Variants in PTPRK observed in about 807,000 individuals in gnomAD.
PTPRK encodes the protein receptor-type tyrosine-protein phosphatase kappa.
A neutral mutation model predicts 178.0 loss-of-function variants in PTPRK; 75 were observed. The observed-to-expected ratio is 0.42, with a 90% CI of 0.35 to 0.51. The LOEUF is 0.51. Among genes scored for constraint, PTPRK ranks in the 20% least tolerant of loss-of-function variants. The pLI is 0.02. For missense variants in PTPRK, 1,441 were observed against 1,797.8 expected, an observed-to-expected ratio of 0.80 and a Z score of 3.59; for synonymous variants, 637 against 620.6, an observed-to-expected ratio of 1.03 and a Z score of -0.39.
At chr6:128,270,340 A>G (rs1466928968) in intron 3 of PTPRK, among the ~76,000 whole-genome samples, 1 of 152,160 alleles carries the variant, frequency 6.6e-6, no homozygotes, top group Non-Finnish European at 1.5e-5. Flanking sequence ...GGATCAACAT[A>G]TTTTCTGGGA....
intron 1 of PTPRK, among the ~76,000 whole-genome samples, chr6:128,517,031 T>C (rs1022585465): frequency 9.2e-5 from 14 of 151,356 alleles, no homozygotes; most frequent in Non-Finnish European, 1.6e-4. Flanking sequence ...ACAATAACTA[T>C]GTTAAACAAT....
chr6:128,459,810 G>A (rs1008896849), intron 1 of PTPRK, among the ~76,000 whole-genome samples: 4 of 152,124 alleles, frequency 2.6e-5, no homozygotes, highest in Middle Eastern at 3.2e-3. Context: ...CCTGAAACTG[G>A]GTAATTTATA....
intron 6 of PTPRK, among the ~76,000 whole-genome samples, chr6:128,195,036 A>C (rs930133162): frequency 6.6e-6 from 1 of 150,730 alleles, no homozygotes; most frequent in Non-Finnish European, 1.5e-5. Context: ...ATGCAGACAC[A>C]TACACATATG....
At chr6:127,988,486 GAACTTT>G (rs1776230350) in intron 21 of PTPRK, among the ~76,000 whole-genome samples, 1 of 151,482 alleles carries the variant, frequency 6.6e-6, no homozygotes, top group South Asian at 2.1e-4. Flanking sequence ...AAGTATAAAG[GAACTTT>G]AACTTTAAAA....
At chr6:128,279,435 GACTCATTCCCCA>G (rs1821331046) in intron 3 of PTPRK, among the ~76,000 whole-genome samples, 1 of 152,046 alleles carries the variant, frequency 6.6e-6, no homozygotes, top group African/African-American at 2.4e-5. Flanking sequence ...AAAATAACTG[GACTCATTCCCCA>G]ATGAATGGCT....
At chr6:128,407,653 A>AAAAAG (rs1554255913) in intron 1 of PTPRK, among the ~76,000 whole-genome samples, 24 of 147,712 alleles carry the variant, frequency 1.6e-4, no homozygotes, top group African/African-American at 5.5e-4. Context: ...AAAAAAAAAA[A>AAAAAG]AAGAAGAAGA....
intron 7 of PTPRK, among the ~76,000 whole-genome samples, chr6:128,101,080 A>G (rs1006355820): frequency 2.6e-5 from 4 of 152,054 alleles, no homozygotes; most frequent in African/African-American, 9.7e-5. Context: ...ATTTTGAAGT[A>G]TTATGTAGAA....
At chr6:128,093,637 AAAC>A (rs1211631938) in intron 7 of PTPRK, among the ~76,000 whole-genome samples, 1 of 150,200 alleles carries the variant, frequency 6.7e-6, no homozygotes, top group African/African-American at 2.4e-5. Flanking sequence ...AAAAACAAAA[AAAC>A]AAAACAAAAC....
chr6:128,248,897 T>C (rs1815962495), intron 3 of PTPRK, among the ~76,000 whole-genome samples: 1 of 152,174 alleles, frequency 6.6e-6, no homozygotes, highest in African/African-American at 2.4e-5. Flanking sequence ...TTGAGGATAA[T>C]TCAATTTGGT....
chr6:128,075,059 G>A (rs964639660), intron 11 of PTPRK, among the ~76,000 whole-genome samples: 4 of 151,870 alleles, frequency 2.6e-5, no homozygotes, highest in Non-Finnish European at 4.4e-5. Flanking sequence ...AAATATAAAA[G>A]CTACCATCTT....
At chr6:128,489,140 T>C (rs1393710034) in intron 1 of PTPRK, among the ~76,000 whole-genome samples, 1 of 152,208 alleles carries the variant, frequency 6.6e-6, no homozygotes, top group Admixed American at 6.5e-5. Flanking sequence ...AAACTTGAGT[T>C]CTGAAAATAT....
intron 2 of PTPRK, among the ~76,000 whole-genome samples, chr6:128,370,720 C>T (rs1836157246): frequency 6.6e-6 from 1 of 152,050 alleles, no homozygotes; most frequent in Non-Finnish European, 1.5e-5. Context: ...TTTGTTATTA[C>T]TATTTTTAAA....
chr6:128,210,299 G>A (rs1261836728), intron 6 of PTPRK, among the ~76,000 whole-genome samples: 1 of 151,298 alleles, frequency 6.6e-6, no homozygotes, highest in Non-Finnish European at 1.5e-5. Flanking sequence ...CTCTTGTTAT[G>A]CATATACTTA....
intron 13 of PTPRK, among the ~76,000 whole-genome samples, chr6:128,031,998 G>A (rs924137448): frequency 6.6e-6 from 1 of 152,160 alleles, no homozygotes; most frequent in African/African-American, 2.4e-5. Flanking sequence ...GTGGACCAGT[G>A]TATTCGCAGT....
At position 128,295,457 on chromosome 6, in the gene PTPRK, C is replaced by G. The variant is rs185424573; in HGVS notation, c.495+26582G>C. ...AAAGGAGGATGGATTTTTTTACATA[C>G]TAATTAAAAAGTAACACTAAGTAGT... On this transcript the variant is annotated intron_variant, in intron 3 of 29. Coordinates refer to ENST00000368226, the MANE Select transcript of PTPRK (RefSeq NM_002844.4). Among the ~76,000 whole-genome samples, 904 of 151,696 alleles carry G rather than the reference C, an allele frequency of 6.0e-3. 11 individuals carry two copies. The highest frequency in any genetic ancestry group is 0.021 in the African/African-American group (864 of 41,174).
chr6:127,988,294 G>A (rs908945965), intron 21 of PTPRK, among the ~76,000 whole-genome samples: 18 of 146,224 alleles, frequency 1.2e-4, no homozygotes, highest in African/African-American at 4.1e-4. Flanking sequence ...TCATCATTAT[G>A]CTAACCTTTT....
chr6:128,458,984 A>G (rs919719862), intron 1 of PTPRK, among the ~76,000 whole-genome samples: 12 of 152,182 alleles, frequency 7.9e-5, no homozygotes, highest in Admixed American at 2.6e-4. Context: ...CATTAAAATT[A>G]TATATACACT....
intron 7 of PTPRK, among the ~76,000 whole-genome samples, chr6:128,183,610 G>C (rs1302865437): frequency 6.6e-6 from 1 of 152,014 alleles, no homozygotes; most frequent in Non-Finnish European, 1.5e-5. Flanking sequence ...CTGGTGGGTA[G>C]CCCAACAATA....
chr6:128,171,000 T>C (rs1800163207), intron 7 of PTPRK, among the ~76,000 whole-genome samples: 1 of 151,946 alleles, frequency 6.6e-6, no homozygotes, highest in Non-Finnish European at 1.5e-5. Flanking sequence ...AATTACACAT[T>C]TCCATGAAAA....
Sources: allele counts gnomAD v4.1 joint callset (sites outside exome capture counted in the v4.1 genomes callset), GRCh38; gene constraint gnomAD v4.1.1; transcripts MANE v1.5; gene names NCBI Gene and HGNC (gene_info 2026-07-23, HGNC 2026-07-21).